Variants in FAM219A observed in about 807,000 individuals in gnomAD.
FAM219A encodes the protein protein FAM219A.
FAM219A carries 7 observed loss-of-function variants against 23.4 expected under a neutral mutation model. The observed-to-expected ratio is 0.30, with a 90% confidence interval of 0.17 to 0.56. The LOEUF (loss-of-function observed/expected upper bound fraction) is 0.56, where lower values mean the gene tolerates loss of function less well. FAM219A is among the 20% of genes least tolerant of loss of function. FAM219A has a pLI of 0.92. For missense variants in FAM219A, 166 were observed against 246.9 expected (o/e 0.67, Z 2.20); for synonymous variants, 93 against 99.0 (o/e 0.94, Z 0.36).
At chr9:34,446,299 T>A (rs1451109611) in intron 1 of FAM219A, among the ~76,000 whole-genome samples, 1 of 152,128 alleles carries the variant, frequency 6.6e-6, no homozygotes, top group East Asian at 1.9e-4. Flanking sequence ...CACATCTCAC[T>A]GAAGGATAGA....
At chr9:34,444,742 T>A (rs1823311557) in intron 1 of FAM219A, among the ~76,000 whole-genome samples, 1 of 152,216 alleles carries the variant, frequency 6.6e-6, no homozygotes, top group African/African-American at 2.4e-5. Flanking sequence ...AACAAAATCC[T>A]TCTCATCCTG....
intron 4 of FAM219A, chr9:34,402,139 A>G (rs1821465139): frequency 6.9e-7 from 1 of 1,448,646 alleles, no homozygotes; most frequent in Non-Finnish European, 9.1e-7. Context: ...ATTAGGGACA[A>G]CCATTGGATC....
At chr9:34,432,349 T>C (rs1822746562) in intron 1 of FAM219A, among the ~76,000 whole-genome samples, 1 of 152,226 alleles carries the variant, frequency 6.6e-6, no homozygotes, top group African/African-American at 2.4e-5. Flanking sequence ...TACTTAACAC[T>C]GTTCTCCCTG....
In FAM219A at chr9:34,401,150, C is replaced by T. The variant is rs769999243; in HGVS notation, c.400-28G>A. 2.8e-5 allele frequency: 45 copies of T among 1,609,032 alleles called. 2 individuals carry two copies. In the South Asian group the frequency reaches 3.9e-4, roughly 14 times the overall value. On this transcript the variant is annotated intron_variant, in intron 5 of 5. Transcript: ENST00000651358. ...GTAGGCAAAGGGGAGGGAGGTCAGG[C>T]CCGAGCGGCAGGGAGGCACCACCCA...
chr9:34,424,058 C>T (rs531626050), intron 1 of FAM219A, among the ~76,000 whole-genome samples: 23 of 152,112 alleles, frequency 1.5e-4, no homozygotes, highest in Non-Finnish European at 2.8e-4. Context: ...AGAAGACTGA[C>T]AGCTACGGTC....
At chr9:34,447,956 C>T (rs1249834406) in intron 1 of FAM219A, among the ~76,000 whole-genome samples, 1 of 151,748 alleles carries the variant, frequency 6.6e-6, no homozygotes, top group Non-Finnish European at 1.5e-5. Flanking sequence ...ATTGCAGCCT[C>T]GAACTCCCGG....
At chr9:34,404,780 G>T (rs1189498793) in intron 2 of FAM219A, among the ~76,000 whole-genome samples, 1 of 152,140 alleles carries the variant, frequency 6.6e-6, no homozygotes, top group Admixed American at 6.6e-5. Flanking sequence ...GTTTTAATCT[G>T]ATGTCCTAGG....
chr9:34,431,503 C>G (rs1822701974), intron 1 of FAM219A, among the ~76,000 whole-genome samples: 1 of 152,162 alleles, frequency 6.6e-6, no homozygotes, highest in South Asian at 2.1e-4. Context: ...CTTTGTTTCC[C>G]TCATAGATAC....
intron 1 of FAM219A, among the ~76,000 whole-genome samples, chr9:34,434,442 T>C (rs915976767): frequency 6.6e-6 from 1 of 152,186 alleles, no homozygotes; most frequent in African/African-American, 2.4e-5. Context: ...TAATCTCTGA[T>C]AATCCATCTA....
At position 34,436,095 on chromosome 9, in the gene FAM219A, G is replaced by C. The variant is rs114851487; in HGVS notation, c.60+22109C>G. Reference sequence around the variant, plus strand: ...GCTGGGATTACAGGCATGAGCTGCCGTGCCCAGCCTAGATTGCTCTTTTCT... The same window carrying C: ...GCTGGGATTACAGGCATGAGCTGCCCTGCCCAGCCTAGATTGCTCTTTTCT... On this transcript the variant is annotated intron_variant, in intron 1 of 5. Transcript: ENST00000651358. Among the ~76,000 whole-genome samples, 6 of 152,100 alleles carry C rather than the reference G, an allele frequency of 3.9e-5. No individual in the cohort carries two copies. The South Asian group carries it at 1.2e-3, about 32-fold the overall frequency.
intron 1 of FAM219A, among the ~76,000 whole-genome samples, chr9:34,412,275 A>C (rs1361334725): frequency 2.0e-5 from 3 of 152,230 alleles, no homozygotes; most frequent in Middle Eastern, 3.2e-3. Flanking sequence ...AGAAAGGAAG[A>C]TGTCAAAAAA....
At chr9:34,412,678 A>G (rs1403996833) in intron 1 of FAM219A, among the ~76,000 whole-genome samples, 1 of 152,028 alleles carries the variant, frequency 6.6e-6, no homozygotes, top group Non-Finnish European at 1.5e-5. Flanking sequence ...GAGACTGGGT[A>G]GGAACAGAGA....
chr9:34,416,235 GAAAGAAA>G (rs1564003280), intron 1 of FAM219A, among the ~76,000 whole-genome samples: 1 of 116,914 alleles, frequency 8.6e-6, no homozygotes, highest in African/African-American at 3.2e-5. Flanking sequence ...AAGAAAGAAA[GAAAGAAA>G]GAAAGAAAGA....
chr9:34,411,972 A>T (rs1400481146), intron 1 of FAM219A, among the ~76,000 whole-genome samples: 1 of 152,226 alleles, frequency 6.6e-6, no homozygotes, highest in African/African-American at 2.4e-5. Flanking sequence ...CTCAGAAGGT[A>T]TGGAGAAAAG....
chr9:34,411,884 G>A (rs1821837668), intron 1 of FAM219A, among the ~76,000 whole-genome samples: 1 of 152,102 alleles, frequency 6.6e-6, no homozygotes, highest in Non-Finnish European at 1.5e-5. Context: ...GACATTCAGG[G>A]AACATGTGAA....
chr9:34,416,031 G>T (rs1821987838), intron 1 of FAM219A, among the ~76,000 whole-genome samples: 1 of 151,886 alleles, frequency 6.6e-6, no homozygotes, highest in Non-Finnish European at 1.5e-5. Context: ...CAAAAAATTA[G>T]CCAGGTGTGG....
intron 1 of FAM219A, among the ~76,000 whole-genome samples, chr9:34,424,998 G>T (rs999189793): frequency 6.6e-6 from 1 of 151,924 alleles, no homozygotes; most frequent in African/African-American, 2.4e-5. Flanking sequence ...TAGAGATGGG[G>T]TTTTGCCATG....
chr9:34,406,204 C>T, intron 1 of FAM219A: 5 of 827,224 alleles, frequency 6.0e-6, no homozygotes, highest in Non-Finnish European at 7.3e-6. Flanking sequence ...TGTCTGTCCT[C>T]AAAGTCCTGT....
At chr9:34,443,241 C>T (rs1823248536) in intron 1 of FAM219A, among the ~76,000 whole-genome samples, 1 of 152,132 alleles carries the variant, frequency 6.6e-6, no homozygotes, top group African/African-American at 2.4e-5. Context: ...CCTTCGGGAA[C>T]CGAAACAGCA....
Sources: allele counts gnomAD v4.1 joint callset (sites outside exome capture counted in the v4.1 genomes callset), GRCh38; gene constraint gnomAD v4.1.1; transcripts MANE v1.5; gene names NCBI Gene and HGNC (gene_info 2026-07-23, HGNC 2026-07-21).